ACTA2: variants seen among roughly 807,000 people sequenced by gnomAD.
ACTA2 encodes the protein actin, aortic smooth muscle.
In ACTA2, 12 loss-of-function variants were observed where a neutral mutation model predicts 39.5. The observed-to-expected ratio is 0.30, with a 90% confidence interval of 0.19 to 0.49. The LOEUF (loss-of-function observed/expected upper bound fraction) is 0.49. Ranked by LOEUF, ACTA2 falls within the 20% of genes least tolerant of loss-of-function variation. The pLI, the probability that ACTA2 is intolerant of heterozygous loss-of-function variation, is 0.99. For missense variants in ACTA2, 236 were observed against 498.8 expected (o/e 0.47, Z 5.02); for synonymous variants, 158 against 180.6 (o/e 0.88, Z 1.00).
At chr10:88,956,575 G>T (rs1846142160), upstream of ACTA2, among the ~76,000 whole-genome samples, 1 of 152,154 alleles carries the variant, frequency 6.6e-6, no homozygotes, top group South Asian at 2.1e-4. Context: ...AGGTTTAGGG[G>T]ATTAGTAGGT....
At position 88,935,189 on chromosome 10, in the gene ACTA2, GT is replaced by G; in HGVS notation, c.*33del. ...ATAATTCCACAGGACATTCACAGTT[GT>G]GTGCTAGAGACAGAGAGGAGCAGGA... On this transcript the variant is annotated 3_prime_UTR_variant, in exon 9 of 9. Transcript: ENST00000224784. 6.2e-7 allele frequency: 1 copy of G among 1,611,104 alleles called. No homozygotes were observed. The highest frequency in any genetic ancestry group is 8.5e-7 in the Non-Finnish European group (1 of 1,179,010).
At chr10:88,958,855 C>T (rs78231584) in intron 1 of ACTA2, among the ~76,000 whole-genome samples, 2,642 of 152,082 alleles carry the variant, frequency 0.017, 93 homozygotes, top group African/African-American at 0.061. Flanking sequence ...CCTCGGTCCT[C>T]GGGGGGAAGG....
chr10:88,980,169 C>T (rs969106102), intron 1 of ACTA2, among the ~76,000 whole-genome samples: 1 of 151,676 alleles, frequency 6.6e-6, no homozygotes, highest in Non-Finnish European at 1.5e-5. Context: ...GTTTTAGGCA[C>T]GATAAGAATT....
intron 1 of ACTA2, among the ~76,000 whole-genome samples, chr10:88,950,016 T>C (rs796526137): frequency 7.9e-5 from 12 of 152,338 alleles, no homozygotes; most frequent in African/African-American, 2.9e-4. Context: ...TGGAGCAGCC[T>C]ATCAACTTAC....
chr10:88,984,177 A>G (rs1184279012), intron 1 of ACTA2, among the ~76,000 whole-genome samples: 1 of 152,236 alleles, frequency 6.6e-6, no homozygotes, highest in Non-Finnish European at 1.5e-5. Flanking sequence ...AAGTTATAAC[A>G]TCGGGAGAAT....
intron 3 of ACTA2, among the ~76,000 whole-genome samples, chr10:88,945,900 A>G (rs1485693182): frequency 1.3e-5 from 2 of 152,204 alleles, no homozygotes; most frequent in Non-Finnish European, 2.9e-5. Context: ...GAGAGGGATA[A>G]CCATGCAGCC....
chr10:88,989,565 CCTA>C, intron 1 of ACTA2: 1 of 541,834 alleles, frequency 1.8e-6, no homozygotes, highest in South Asian at 1.4e-5. Flanking sequence ...CCTATCAACA[CCTA>C]CAAGACTGGT....
chr10:88,940,039 G>A (rs1845819624), intron 6 of ACTA2: 16 of 336,308 alleles, frequency 4.8e-5, no homozygotes, highest in South Asian at 4.7e-4. Context: ...TAACTACTCT[G>A]TGTTATAATT....
At chr10:88,948,441 A>G (rs921405861) in intron 2 of ACTA2, 5 of 293,732 alleles carry the variant, frequency 1.7e-5, no homozygotes, top group Non-Finnish European at 3.3e-5. Flanking sequence ...TGGTTAAGTG[A>G]CCTGGACTTT....
At chr10:88,988,440 T>TAATCTTAACTCTTCCTG (rs1846981138) in intron 1 of ACTA2, among the ~76,000 whole-genome samples, 1 of 112,104 alleles carries the variant, frequency 8.9e-6, no homozygotes, top group Non-Finnish European at 2.0e-5. Context: ...TTGTTTTGTT[T>TAATCTTAACTCTTCCTG]TTTATCTTAA....
chr10:88,968,483 C>T (rs186733120), intron 1 of ACTA2, among the ~76,000 whole-genome samples: 3 of 152,292 alleles, frequency 2.0e-5, no homozygotes, highest in Admixed American at 1.3e-4. Flanking sequence ...ATGTTGGTAA[C>T]ACGGGCACTC....
chr10:88,957,602 A>T (rs1000133026), upstream of ACTA2, among the ~76,000 whole-genome samples: 9 of 152,188 alleles, frequency 5.9e-5, no homozygotes, highest in Non-Finnish European at 1.0e-4. Context: ...CAAGTCAGAC[A>T]AGCTCTTAAC....
At chr10:88,943,931 G>T in intron 3 of ACTA2, 24 bp from the exon 4 acceptor site, 1 of 1,600,718 alleles carries the variant, frequency 6.2e-7, no homozygotes, top group Non-Finnish European at 8.6e-7. Context: ...GGACAGAGGA[G>T]AAACACAATG....
intron 1 of ACTA2, among the ~76,000 whole-genome samples, chr10:88,978,903 ATAT>A (rs956742252): frequency 1.3e-5 from 2 of 151,260 alleles, no homozygotes; most frequent in African/African-American, 2.4e-5. Context: ...TATTATTATT[ATAT>A]TATTATTATT....
chr10:88,991,138 A>T, exon 1 of ACTA2: 1 of 618,364 alleles, frequency 1.6e-6, no homozygotes, highest in Non-Finnish European at 2.9e-6. Context: ...TTGGGCCTTG[A>T]TGCGAAGTGC....
exon 1 of ACTA2, chr10:88,991,212 G>A: frequency 5.5e-6 from 3 of 546,472 alleles, no homozygotes; most frequent in Non-Finnish European, 9.9e-6. Flanking sequence ...TCCACGTTGA[G>A]GTGGGCGTGG....
upstream of ACTA2, among the ~76,000 whole-genome samples, chr10:88,957,013 T>A (rs1050475408): frequency 6.6e-6 from 1 of 152,122 alleles, no homozygotes; most frequent in Non-Finnish European, 1.5e-5. Flanking sequence ...TTAGGCCTCA[T>A]CTCTCAACAC....
At chr10:88,936,168 A>C (rs1431673576) in intron 8 of ACTA2, among the ~76,000 whole-genome samples, 1 of 152,202 alleles carries the variant, frequency 6.6e-6, no homozygotes. Context: ...TAAGTCTTAA[A>C]TTACTCCCAT....
In ACTA2 at chr10:88,938,088, G is replaced by A. The variant is rs1845777292; in HGVS notation, c.963C>T (p.Ala321=). The change falls in exon 8 of 9, where the codon GCC becomes GCT. Residue 321 remains alanine, a synonymous_variant. Coordinates refer to ENST00000224784, the MANE Select transcript of ACTA2 (RefSeq NM_001613.4). ...IADRMQKEIT[A]LAPSTMKIKI... ...TGATCTTCATGGTGCTGGGTGCTAG[G>A]GCCGTGATCTCCTTCTGCATTCGGT... 6.2e-7 allele frequency: 1 copy of A among 1,613,822 alleles called. No homozygotes were observed. Among genetic ancestry groups the A allele is most frequent in the African/African-American group, 1.3e-5 (1 of 74,870 alleles).
Sources: gnomAD v4.1 joint callset for allele counts (sites outside exome capture counted in the v4.1 genomes callset) on GRCh38, gnomAD v4.1.1 for gene constraint, MANE v1.5 for transcripts, NCBI Gene and HGNC (gene_info 2026-07-23, HGNC 2026-07-21) for gene names.